Variants in DDX46 observed in about 807,000 individuals in gnomAD.
DDX46 encodes the protein probable ATP-dependent RNA helicase DDX46.
In DDX46, 30 loss-of-function variants were observed where a neutral mutation model predicts 134.9. That is an observed-to-expected ratio of 0.22 (90% CI 0.17 to 0.30). The LOEUF is 0.30. Among genes scored for constraint, DDX46 ranks in the 10% least tolerant of loss-of-function variants. DDX46 has a pLI of 1.00. For synonymous variants in DDX46, 415 were observed against 404.1 expected, an observed-to-expected ratio of 1.03 and a Z score of -0.32; for missense variants, 622 against 1,248.7, an observed-to-expected ratio of 0.50 and a Z score of 7.56.
intron 21 of DDX46, chr5:134,826,208 T>C (rs778989269): frequency 7.2e-5 from 11 of 152,338 alleles, no homozygotes; most frequent in Non-Finnish European, 1.3e-4. Flanking sequence ...TTTGTTTTTC[T>C]AGTCTGTAAG....
intron 16 of DDX46, among the ~76,000 whole-genome samples, chr5:134,808,951 C>A (rs780465957): frequency 6.6e-6 from 1 of 152,132 alleles, no homozygotes; most frequent in Non-Finnish European, 1.5e-5. Flanking sequence ...TTTATCCTTA[C>A]ATATATAATG....
chr5:134,780,706 A>T (rs1754125687), intron 6 of DDX46: 1 of 152,048 alleles, frequency 6.6e-6, no homozygotes, highest in South Asian at 2.1e-4. Context: ...AATTAATGAG[A>T]AAAACAGGCT....
At chr5:134,806,070 A>G (rs982490615) in intron 15 of DDX46, among the ~76,000 whole-genome samples, 11 of 152,230 alleles carry the variant, frequency 7.2e-5, no homozygotes, top group Admixed American at 1.3e-4. Flanking sequence ...AAAATTAGCC[A>G]GGCATGGTGA....
chr5:134,809,938 G>A (rs930303400), intron 16 of DDX46, among the ~76,000 whole-genome samples: 14 of 152,070 alleles, frequency 9.2e-5, no homozygotes, highest in African/African-American at 3.1e-4. Context: ...GCTTGAACCC[G>A]GGAGGCAGAG....
At position 134,788,543 on chromosome 5, in the gene DDX46, A is replaced by G; in HGVS notation, c.1495A>G (p.Ile499Val). 1 of 1,613,994 alleles carries G rather than the reference A, an allele frequency of 6.2e-7. No individual in the cohort carries two copies. Residue 499 changes from isoleucine (I) to valine (V), a missense_variant, in exon 12 of 23, where the codon ATT becomes GTT. This residue lies in a region of DDX46 where 209 missense variants were observed against 508.4 expected (regional missense o/e 0.41). Coordinates refer to ENST00000452510, the MANE Select transcript of DDX46 (RefSeq NM_001300860.2). ...IAELKRGAEI[I>V]VCTPGRMIDM... ...TGAGCTGAAAAGAGGTGCTGAAATT[A>G]TTGTTTGCACACCTGGTCGAATGAT...
chr5:134,766,638 T>C (rs1459789375), intron 2 of DDX46, among the ~76,000 whole-genome samples: 1 of 152,114 alleles, frequency 6.6e-6, no homozygotes, highest in Non-Finnish European at 1.5e-5. Flanking sequence ...GGAGAATCAC[T>C]TGAACCCAGA....
Position 134,785,573 on chromosome 5 carries a change from G to C in DDX46, c.1451G>C (p.Gly484Ala). ...LRVVCVYGGT[G>A]ISEQIAELKR... ...GTGGTCTGTGTTTACGGAGGAACAG[G>C]AATCAGTGAGCAGGTAGTTATATAA... The change falls in exon 11 of 23, where the codon GGA becomes GCA. Residue 484 changes from glycine (G) to alanine (A), a missense_variant. Physicochemically the swap from Gly to Ala is moderately conservative, Grantham distance 60. Coordinates refer to ENST00000452510, the MANE Select transcript of DDX46 (RefSeq NM_001300860.2). The C allele has an allele frequency of 6.2e-7, 1 of 1,609,704 alleles. No individual in the cohort carries two copies. The highest frequency in any genetic ancestry group is 1.1e-5 in the South Asian group (1 of 90,126).
intron 15 of DDX46, among the ~76,000 whole-genome samples, chr5:134,806,807 C>T (rs1755001779): frequency 6.6e-6 from 1 of 152,114 alleles, no homozygotes; most frequent in African/African-American, 2.4e-5. Flanking sequence ...ACCAGAGTTT[C>T]CTGGGAACCT....
chr5:134,761,026 G>A (rs1176663136), intron 1 of DDX46, among the ~76,000 whole-genome samples: 1 of 151,800 alleles, frequency 6.6e-6, no homozygotes, highest in Non-Finnish European at 1.5e-5. Flanking sequence ...ACCGCACCCG[G>A]CCTGTTTTTT....
chr5:134,786,764 GAACCT>G (rs1754349218), intron 11 of DDX46, among the ~76,000 whole-genome samples: 1 of 152,138 alleles, frequency 6.6e-6, no homozygotes. Flanking sequence ...AGAATCACTT[GAACCT>G]GGGAGGCGGA....
chr5:134,794,226 CAT>C lies in DDX46; in HGVS notation c.1627-623_1627-622del, dbSNP rs770868105. On this transcript the variant is annotated intron_variant, in intron 13 of 22. Coordinates refer to ENST00000452510, the MANE Select transcript of DDX46 (RefSeq NM_001300860.2). Reference sequence around the variant, plus strand: ...AGCTCTGTACAGTTTGCTTCAGAAACATGTGTACGCCTGCCTGCTGTTGGGCT... The same window carrying C: ...AGCTCTGTACAGTTTGCTTCAGAAACGTGTACGCCTGCCTGCTGTTGGGCT... Among the ~76,000 whole-genome samples the C allele has an allele frequency of 3.5e-4, 53 of 152,272 alleles. 1 individual carries two copies. Among genetic ancestry groups the C allele is most frequent in the Non-Finnish European group, 4.3e-4 (29 of 68,020 alleles).
chr5:134,767,586 C>G (rs909143638), intron 3 of DDX46, among the ~76,000 whole-genome samples: 10 of 151,916 alleles, frequency 6.6e-5, no homozygotes, highest in African/African-American at 2.4e-4. Flanking sequence ...AGTGATCTGC[C>G]CACCTCGGCT....
At chr5:134,828,472 T>C (rs1755647817) in intron 22 of DDX46, among the ~76,000 whole-genome samples, 187 bp from the exon 23 acceptor site, 1 of 152,234 alleles carries the variant, frequency 6.6e-6, no homozygotes, top group Non-Finnish European at 1.5e-5. Context: ...TGAATAGTTT[T>C]TCCTTTCTCA....
chr5:134,788,780 C>T (rs1340498383), intron 12 of DDX46, among the ~76,000 whole-genome samples, 189 bp downstream of exon 12: 20 of 151,458 alleles, frequency 1.3e-4, no homozygotes, highest in African/African-American at 4.6e-4. Context: ...ACCCGGGAGG[C>T]GGAGCTTGCA....
At chr5:134,768,910 TAGTC>T (rs1176018048) in intron 3 of DDX46, among the ~76,000 whole-genome samples, 2 of 151,928 alleles carry the variant, frequency 1.3e-5, no homozygotes, top group African/African-American at 2.4e-5. Flanking sequence ...AGTAAAAAAT[TAGTC>T]AGGTGTGGTG....
intron 22 of DDX46, among the ~76,000 whole-genome samples, chr5:134,828,158 G>A (rs1429929088): frequency 1.3e-5 from 2 of 151,492 alleles, no homozygotes; most frequent in Admixed American, 1.3e-4. Flanking sequence ...CCTACAGTGT[G>A]TACATTTCCT....
chr5:134,765,337 A>T (rs908084086), intron 2 of DDX46, among the ~76,000 whole-genome samples: 1 of 148,230 alleles, frequency 6.7e-6, no homozygotes, highest in Admixed American at 6.9e-5. Context: ...CGAGGTCAGG[A>T]GTTTGAGACC....
chr5:134,785,437 T>G lies in DDX46; in HGVS notation c.1343-28T>G, dbSNP rs183803321. ...GCACAGCCTTAAGAATTTTGGTGGT[T>G]AGGCTACTGATGTATTTATCTTTCC... On this transcript the variant is annotated intron_variant, in intron 10 of 22. Transcript: ENST00000452510. The G allele has an allele frequency of 7.4e-3, 11,808 of 1,602,834 alleles. 59 individuals are homozygous for G. The highest frequency in any genetic ancestry group is 8.6e-3 in the Non-Finnish European group (10,134 of 1,175,618).
Position 134,828,726 on chromosome 5 carries a change from T to C in DDX46, c.*20T>C, listed in dbSNP as rs1445475540. 1 of 1,489,730 alleles carries C rather than the reference T, an allele frequency of 6.7e-7. No individual in the cohort carries two copies. Among genetic ancestry groups the C allele is most frequent in the South Asian group, 1.5e-5 (1 of 67,480 alleles). The allele number at this position is 1,489,730 out of a possible 1,614,324, so 92.3% of individuals were successfully genotyped here. A position where few individuals can be genotyped will look rare whatever the true frequency, so the allele number is the denominator to read the frequency against. ...TTATAGACATCCGGAAAAAAGATTTTTACCTGTGCTGGTCTATGATGTATG... is the reference window on the plus strand; with the variant it reads ...TTATAGACATCCGGAAAAAAGATTTCTACCTGTGCTGGTCTATGATGTATG... On this transcript the variant is annotated 3_prime_UTR_variant, in exon 23 of 23. Coordinates refer to ENST00000452510, the MANE Select transcript of DDX46 (RefSeq NM_001300860.2).
Sources: gnomAD v4.1 joint callset for allele counts (sites outside exome capture counted in the v4.1 genomes callset) on GRCh38, gnomAD v4.1.1 for gene constraint, gnomAD v4.1.1 regional missense constraint, MANE v1.5 for transcripts, NCBI Gene and HGNC (gene_info 2026-07-23, HGNC 2026-07-21) for gene names.